CREM: variants seen among roughly 807,000 people sequenced by gnomAD.
CREM encodes cAMP-responsive element modulator.
A neutral mutation model predicts 37.3 loss-of-function variants in CREM; 13 were observed. That is an observed-to-expected ratio of 0.35 (90% CI 0.23 to 0.55). CREM has a LOEUF of 0.55. CREM is among the 20% of genes least tolerant of loss of function. The pLI, the probability that CREM is intolerant of heterozygous loss-of-function variation, is 0.88. For missense variants in CREM, 296 were observed against 362.3 expected (o/e 0.82, Z 1.49); for synonymous variants, 124 against 120.2 (o/e 1.03, Z -0.21).
intron 3 of CREM, among the ~76,000 whole-genome samples, chr10:35,157,942 C>T (rs906490994): frequency 6.6e-6 from 1 of 151,918 alleles, no homozygotes; most frequent in African/African-American, 2.4e-5. Context: ...TTTTTATGTA[C>T]TAATAGTGAA....
At position 35,202,187 on chromosome 10, in the gene CREM, C is replaced by G. The variant is rs77098080; in HGVS notation, c.599-4708C>G. Among the ~76,000 whole-genome samples, 851 of 152,154 alleles carry G rather than the reference C, an allele frequency of 5.6e-3. 7 individuals carry two copies. Among genetic ancestry groups the G allele is most frequent in the Non-Finnish European group, 6.8e-3 (463 of 68,012 alleles). On this transcript the variant is annotated intron_variant, in intron 6 of 7. Transcript: ENST00000685392. ...GAATAAAAAGTAATTTAGACACTTTCAGTAGTTAAATGGGACAGGAAGTGG... is the reference window on the plus strand; with the variant it reads ...GAATAAAAAGTAATTTAGACACTTTGAGTAGTTAAATGGGACAGGAAGTGG...
In CREM at chr10:35,168,247, C is replaced by G. The variant is rs537063768; in HGVS notation, c.169-10642C>G. 4.1e-3 allele frequency among the ~76,000 whole-genome samples: 627 copies of G among 152,308 alleles called. 4 individuals are homozygous for G. The highest frequency in any genetic ancestry group is 0.032 in the South Asian group (152 of 4,822). ...TAAAAGTGTTCCTATTTCTCCACAT[C>G]CTCTCCAGCACCTGTTGTTTCCTGA... On this transcript the variant is annotated intron_variant, in intron 3 of 7. Transcript: ENST00000685392.
chr10:35,174,722 A>G (rs1283301280), intron 3 of CREM, among the ~76,000 whole-genome samples: 3 of 152,198 alleles, frequency 2.0e-5, no homozygotes, highest in Non-Finnish European at 2.9e-5. Context: ...AAATGAGGCA[A>G]AGTTTCTGCA....
At chr10:35,141,743 C>T (rs935871118) in intron 2 of CREM, among the ~76,000 whole-genome samples, 1 of 152,018 alleles carries the variant, frequency 6.6e-6, no homozygotes, top group Admixed American at 6.6e-5. Flanking sequence ...AGAAACAGAC[C>T]ATATGAAGTA....
chr10:35,166,076 C>A (rs1011827654), intron 3 of CREM, among the ~76,000 whole-genome samples: 2 of 151,950 alleles, frequency 1.3e-5, no homozygotes, highest in East Asian at 1.9e-4. Flanking sequence ...TCAGCTTATG[C>A]GCTATACATA....
intron 3 of CREM, among the ~76,000 whole-genome samples, chr10:35,159,521 T>A (rs2093157788): frequency 6.6e-6 from 1 of 152,144 alleles, no homozygotes; most frequent in Non-Finnish European, 1.5e-5. Flanking sequence ...AAACTAGATA[T>A]TTACACAGAA....
intron 1 of CREM, among the ~76,000 whole-genome samples, chr10:35,136,369 A>G (rs1053984055): frequency 6.6e-6 from 1 of 152,178 alleles, no homozygotes; most frequent in Admixed American, 6.5e-5. Flanking sequence ...AGTGTCTAGT[A>G]TGAGGGGGTG....
chr10:35,184,616 GGTGT>G (rs535545404), intron 5 of CREM, among the ~76,000 whole-genome samples: 2 of 151,736 alleles, frequency 1.3e-5, no homozygotes, highest in Non-Finnish European at 2.9e-5. Context: ...GTGTGTGAGG[GGTGT>G]GTGTGTGTGT....
At chr10:35,203,464 C>T (rs969418223) in intron 6 of CREM, among the ~76,000 whole-genome samples, 2 of 152,162 alleles carry the variant, frequency 1.3e-5, no homozygotes, top group African/African-American at 2.4e-5. Flanking sequence ...GAGGCTGAGG[C>T]AGGTAGATCA....
At chr10:35,157,458 C>G (rs903511695) in intron 3 of CREM, among the ~76,000 whole-genome samples, 1 of 151,870 alleles carries the variant, frequency 6.6e-6, no homozygotes. Context: ...ATGGTGAAAG[C>G]CTGTCTCTAC....
chr10:35,161,756 T>C (rs749789943), intron 3 of CREM, among the ~76,000 whole-genome samples: 27 of 152,158 alleles, frequency 1.8e-4, no homozygotes, highest in Non-Finnish European at 2.9e-4. Context: ...TTGGTTATTA[T>C]CAAAATGACA....
chr10:35,137,868 G>A lies in CREM; in HGVS notation c.33G>A (p.Lys11=). 1.9e-6 allele frequency: 3 copies of A among 1,590,036 alleles called. No individual in the cohort carries two copies. The highest frequency in any genetic ancestry group is 2.6e-6 in the Non-Finnish European group (3 of 1,167,720). The change falls in exon 2 of 8, where the codon AAG becomes AAA. Residue 11 remains lysine (K), a synonymous_variant. Transcript: ENST00000685392. Reference sequence around the variant, plus strand: ...AATGTGCAAGGAAAAAATATATTAAGACAAATCCAAGGTAGGTAGATGTAC... The same window carrying A: ...AATGTGCAAGGAAAAAATATATTAAAACAAATCCAAGGTAGGTAGATGTAC... MSKCARKKYI[K]TNPRQMTMET...
intron 3 of CREM, among the ~76,000 whole-genome samples, chr10:35,159,397 A>G (rs1336523294): frequency 6.6e-6 from 1 of 152,222 alleles, no homozygotes; most frequent in Non-Finnish European, 1.5e-5. Context: ...AATGGAACAG[A>G]ATATAAAGTC....
chr10:35,188,061 CT>C, intron 5 of CREM, 138 bp from the exon 6 acceptor site: 1 of 793,748 alleles, frequency 1.3e-6, no homozygotes, highest in East Asian at 2.8e-5. Flanking sequence ...GATCTTCCTT[CT>C]CAATTCAGCA....
intron 5 of CREM, among the ~76,000 whole-genome samples, chr10:35,183,631 G>C (rs930687337): frequency 1.3e-5 from 2 of 152,132 alleles, no homozygotes; most frequent in Admixed American, 1.3e-4. Flanking sequence ...TTGGAACAAA[G>C]GTCTGTTTGC....
intron 2 of CREM, among the ~76,000 whole-genome samples, chr10:35,143,136 A>C (rs563918300): frequency 1.1e-3 from 174 of 151,778 alleles, no homozygotes; most frequent in African/African-American, 4.0e-3. Context: ...ACACCTGGCT[A>C]ATTTTTGTAT....
chr10:35,180,516 A>G (rs1468522663), intron 5 of CREM, among the ~76,000 whole-genome samples: 1 of 152,128 alleles, frequency 6.6e-6, no homozygotes. Flanking sequence ...AATTGAGGGG[A>G]ACTCCTACCA....
At chr10:35,166,733 TCAAAA>T (rs1471268189) in intron 3 of CREM, among the ~76,000 whole-genome samples, 1 of 151,826 alleles carries the variant, frequency 6.6e-6, no homozygotes, top group Non-Finnish European at 1.5e-5. Flanking sequence ...TGTCTCCAAC[TCAAAA>T]CAAAAAACAC....
intron 6 of CREM, among the ~76,000 whole-genome samples, chr10:35,206,190 G>A (rs1437073788): frequency 6.6e-6 from 1 of 151,956 alleles, no homozygotes; most frequent in Non-Finnish European, 1.5e-5. Context: ...GGAGCTTGCA[G>A]TGAGCCAAGA....
Sources: allele counts gnomAD v4.1 joint callset (sites outside exome capture counted in the v4.1 genomes callset), GRCh38; gene constraint gnomAD v4.1.1; transcripts MANE v1.5; gene names NCBI Gene and HGNC (gene_info 2026-07-23, HGNC 2026-07-21).